The following RPS6KA5 variants were observed in gnomAD, a reference collection of about 807,000 sequenced individuals.
RPS6KA5 encodes ribosomal protein S6 kinase alpha-5.
A neutral mutation model predicts 85.5 loss-of-function variants in RPS6KA5; 27 were observed. That is an observed-to-expected ratio of 0.32 (90% CI 0.23 to 0.44). The LOEUF (loss-of-function observed/expected upper bound fraction) is 0.44. RPS6KA5 is among the 20% of genes least tolerant of loss of function. The pLI is 1.00. For synonymous variants in RPS6KA5, 334 were observed against 348.2 expected (o/e 0.96, Z 0.46); for missense variants, 811 against 980.9 (o/e 0.83, Z 2.31).
In RPS6KA5 at chr14:90,872,178, G is replaced by A. The variant is rs748176348; in HGVS notation, c.2305C>T (p.His769Tyr). Residue 769 changes from histidine to tyrosine, a missense_variant, in exon 17 of 17, where the codon CAT becomes TAT. His to Tyr is a moderately conservative substitution (Grantham distance 83). Transcript: ENST00000614987. ...GTGGGTGTAGTTTTACCGTGAGAAT[G>A]AGAGGAAGAAGAATGGGAACTCTCA... ...SSESSHSSSSHSHGKTTPTKT... is the reference protein window; with the variant it reads ...SSESSHSSSSYSHGKTTPTKT... 7 of 1,613,836 alleles carry A rather than the reference G, an allele frequency of 4.3e-6. No individual in the cohort carries two copies. Among genetic ancestry groups the A allele is most frequent in the Admixed American group, 3.3e-5 (2 of 59,960 alleles).
At chr14:91,052,596 G>C in intron 1 of RPS6KA5, 1 of 178,992 alleles carries the variant, frequency 5.6e-6, no homozygotes, top group Non-Finnish European at 1.2e-5. Flanking sequence ...AGGCCAAGGC[G>C]GATGGATCAT....
intron 1 of RPS6KA5, among the ~76,000 whole-genome samples, chr14:91,050,641 C>G (rs1047858753): frequency 7.9e-5 from 12 of 152,198 alleles, no homozygotes; most frequent in East Asian, 1.9e-4. Context: ...GTTGGCCAGG[C>G]TGGTCTCAAA....
Position 90,875,268 on chromosome 14 carries a change from C to T in RPS6KA5, c.1929G>A (p.Lys643=). The change falls in exon 15 of 17, where the codon AAG becomes AAA. Residue 643 remains lysine (K), a synonymous_variant. Coordinates refer to ENST00000614987, the MANE Select transcript of RPS6KA5 (RefSeq NM_004755.4). ...CTTCTCCTTCAAAGGAGAAATCTCC[C>T]TTTTTAATTTTCTTCATGATTTCCA... ...SAVEIMKKIK[K]GDFSFEGEAW... 1.2e-6 allele frequency: 2 copies of T among 1,613,936 alleles called. No individual in the cohort carries two copies. The highest frequency in any genetic ancestry group is 1.7e-6 in the Non-Finnish European group (2 of 1,179,880).
chr14:90,946,066 C>T (rs1273681904), intron 4 of RPS6KA5, among the ~76,000 whole-genome samples: 1 of 152,098 alleles, frequency 6.6e-6, no homozygotes, highest in African/African-American at 2.4e-5. Flanking sequence ...AAACTAATTG[C>T]CCTAAATCAT....
rs546435267 is a variant in RPS6KA5, at chr14:90,895,202, T to A, written c.1474-619A>T. Among the ~76,000 whole-genome samples the A allele has an allele frequency of 2.0e-5, 3 of 151,906 alleles. No homozygotes were observed. The South Asian group carries it at 6.2e-4, about 32-fold the overall frequency. On this transcript the variant is annotated intron_variant, in intron 12 of 16. Transcript: ENST00000614987. ...CTGGCACACCCATCCAATGGCAAAT[T>A]AATCTTTTTAAAAGGGTAATGAGGC...
In RPS6KA5 at chr14:90,859,321, AT is replaced by A. The variant is rs2032429081; in HGVS notation, c.*12752del. The A allele has an allele frequency of 6.6e-6, 1 of 152,240 alleles. No individual in the cohort carries two copies. The highest frequency in any genetic ancestry group is 1.5e-5 in the Non-Finnish European group (1 of 68,050). 9.4% of individuals were successfully genotyped at this position (152,240 alleles called of 1,614,324 possible). ...CAGTATTTAACACACAATGTATGAC[AT>A]TTCACCAAACTTATAAGGCATGCTA... On this transcript the variant is annotated 3_prime_UTR_variant, in exon 17 of 17. Coordinates refer to ENST00000614987, the MANE Select transcript of RPS6KA5 (RefSeq NM_004755.4).
chr14:90,928,200 G>T (rs998019706), intron 5 of RPS6KA5, among the ~76,000 whole-genome samples: 1 of 151,706 alleles, frequency 6.6e-6, no homozygotes, highest in African/African-American at 2.4e-5. Context: ...ATATAGGTAT[G>T]AGCCACCACT....
rs916566687 is a variant in RPS6KA5 at position 90,865,898 on chromosome 14, T to C, written c.*6176A>G. ...TAGCCTTCTCTATGTTGATTGCAGA[T>C]GTTTCTATCTCAGAATTTAAGTCTA... On this transcript the variant is annotated 3_prime_UTR_variant, in exon 17 of 17. Transcript: ENST00000614987. The C allele has an allele frequency of 3.9e-5, 6 of 152,212 alleles. No individual in the cohort carries two copies. The highest frequency in any genetic ancestry group is 1.4e-4 in the African/African-American group (6 of 41,446). The allele number at this position is 152,212 out of a possible 1,614,324, so 9.4% of individuals were successfully genotyped here. A position where few individuals can be genotyped will look rare whatever the true frequency, so the allele number is the denominator to read the frequency against.
At chr14:91,025,662 A>G (rs1184038976) in intron 1 of RPS6KA5, among the ~76,000 whole-genome samples, 1 of 151,946 alleles carries the variant, frequency 6.6e-6, no homozygotes, top group Non-Finnish European at 1.5e-5. Flanking sequence ...GAAGTTCTAA[A>G]AAAAAAAAGC....
intron 10 of RPS6KA5, 149 bp downstream of exon 10, chr14:90,900,462 C>T (rs937432185): frequency 3.7e-5 from 28 of 762,358 alleles, no homozygotes; most frequent in African/African-American, 1.6e-4. Flanking sequence ...TTCAACTTGA[C>T]GTTAATTCTC....
At chr14:91,041,863 T>G (rs911990115) in intron 1 of RPS6KA5, among the ~76,000 whole-genome samples, 2 of 152,256 alleles carry the variant, frequency 1.3e-5, no homozygotes, top group Non-Finnish European at 2.9e-5. Context: ...CCAACCGATT[T>G]TGGAATTACA....
intron 5 of RPS6KA5, among the ~76,000 whole-genome samples, chr14:90,924,829 T>A (rs920121412): frequency 6.6e-6 from 1 of 152,222 alleles, no homozygotes. Flanking sequence ...GGAATCCCAA[T>A]AGTAACTCAA....
At position 90,865,648 on chromosome 14, in the gene RPS6KA5, G is replaced by A. The variant is rs2032773143; in HGVS notation, c.*6426C>T. On this transcript the variant is annotated 3_prime_UTR_variant, in exon 17 of 17. Transcript: ENST00000614987. ...ATCACTATCTATATGTAGTTTTAGT[G>A]CTCCATTTGGACTGGTCTCTGGCCA... 1 of 152,202 alleles carries A rather than the reference G, an allele frequency of 6.6e-6. No homozygotes were observed. The highest frequency in any genetic ancestry group is 2.4e-5 in the African/African-American group (1 of 41,452). 9.4% of individuals were successfully genotyped at this position (152,202 alleles called of 1,614,324 possible).
At chr14:91,059,183 A>G (rs889823571) in intron 1 of RPS6KA5, among the ~76,000 whole-genome samples, 1 of 147,816 alleles carries the variant, frequency 6.8e-6, no homozygotes, top group African/African-American at 2.5e-5. Flanking sequence ...CCCACAAAAA[A>G]TACAAAATTA....
intron 1 of RPS6KA5, among the ~76,000 whole-genome samples, chr14:91,019,790 G>T (rs1264545219): frequency 6.6e-6 from 1 of 152,072 alleles, no homozygotes; most frequent in Non-Finnish European, 1.5e-5. Context: ...TGGTGTTATC[G>T]GAACATAACC....
At chr14:91,017,488 T>C (rs758115117) in intron 1 of RPS6KA5, among the ~76,000 whole-genome samples, 1 of 152,230 alleles carries the variant, frequency 6.6e-6, no homozygotes, top group African/African-American at 2.4e-5. Flanking sequence ...CTTACCATGT[T>C]CTCCACCATC....
At chr14:90,991,449 C>T (rs987757500) in intron 2 of RPS6KA5, among the ~76,000 whole-genome samples, 1 of 152,030 alleles carries the variant, frequency 6.6e-6, no homozygotes, top group Admixed American at 6.6e-5. Context: ...TACCTGTAAT[C>T]CCAACACTTT....
chr14:90,948,233 ATG>A (rs2037975701), intron 3 of RPS6KA5, among the ~76,000 whole-genome samples: 1 of 152,246 alleles, frequency 6.6e-6, no homozygotes, highest in Non-Finnish European at 1.5e-5. Flanking sequence ...CAAAATAGTT[ATG>A]TTGATACATG....
At chr14:90,924,168 TAG>T (rs2036545267) in intron 5 of RPS6KA5, among the ~76,000 whole-genome samples, 1 of 152,146 alleles carries the variant, frequency 6.6e-6, no homozygotes, top group African/African-American at 2.4e-5. Flanking sequence ...CTGAGAATAG[TAG>T]TAAATAAAGA....
Sources: allele counts gnomAD v4.1 joint callset (sites outside exome capture counted in the v4.1 genomes callset), GRCh38; gene constraint gnomAD v4.1.1; transcripts MANE v1.5; gene names NCBI Gene and HGNC (gene_info 2026-07-23, HGNC 2026-07-21).